The following PARD3 variants were observed in gnomAD, a reference collection of about 807,000 sequenced individuals.
PARD3 encodes par-3 family cell polarity regulator.
In PARD3, 75 loss-of-function variants were observed where a neutral mutation model predicts 155.4. That is an observed-to-expected ratio of 0.48 (90% CI 0.40 to 0.58). PARD3 has a LOEUF of 0.58. Among genes scored for constraint, PARD3 ranks in the 20% least tolerant of loss-of-function variants. PARD3 has a pLI of 0.00. For synonymous variants in PARD3, 576 were observed against 610.5 expected, an observed-to-expected ratio of 0.94 and a Z score of 0.83; for missense variants, 1,642 against 1,721.7, an observed-to-expected ratio of 0.95 and a Z score of 0.82.
chr10:34,246,911 A>C (rs1443921971), intron 22 of PARD3, among the ~76,000 whole-genome samples: 5 of 152,168 alleles, frequency 3.3e-5, no homozygotes, highest in Admixed American at 6.5e-5. Flanking sequence ...GCCTGCCAGG[A>C]AAGATCCAAC....
chr10:34,160,667 G>A (rs1949231299), intron 22 of PARD3, among the ~76,000 whole-genome samples: 2 of 152,124 alleles, frequency 1.3e-5, no homozygotes, highest in Non-Finnish European at 2.9e-5. Context: ...TGTTGGTGGT[G>A]CTCAAAGCAA....
Position 34,637,873 on chromosome 10 carries a change from G to A in PARD3, c.222+58445C>T, listed in dbSNP as rs140504619. 1.2e-4 allele frequency among the ~76,000 whole-genome samples: 19 copies of A among 152,230 alleles called. No individual in the cohort carries two copies. The East Asian group carries it at 1.5e-3, about 12-fold the overall frequency. ...ACATCAAATAATTAAGTTTGCAGGC[G>A]TGAAATATATTCAAAAGCCAGGTAT... On this transcript the variant is annotated intron_variant, in intron 2 of 24. Coordinates refer to ENST00000374788, the MANE Select transcript of PARD3 (RefSeq NM_001184785.2).
At chr10:34,431,830 A>G (rs2075928121) in intron 5 of PARD3, among the ~76,000 whole-genome samples, 1 of 148,616 alleles carries the variant, frequency 6.7e-6, no homozygotes, top group Non-Finnish European at 1.5e-5. Context: ...CGGGTGGATC[A>G]TTAGGTCAGA....
intron 2 of PARD3, among the ~76,000 whole-genome samples, chr10:34,692,295 A>G (rs1590674774): frequency 6.6e-6 from 1 of 152,294 alleles, no homozygotes; most frequent in East Asian, 1.9e-4. Context: ...CTAAAACTAT[A>G]AAAACCCTGG....
At chr10:34,654,557 C>T (rs1247437360) in intron 2 of PARD3, among the ~76,000 whole-genome samples, 2 of 152,200 alleles carry the variant, frequency 1.3e-5, no homozygotes, top group African/African-American at 2.4e-5. Context: ...AAATAGAGTT[C>T]CAGGTTCCAC....
chr10:34,353,132 GGGGCAGCCCCCGCCC>G (rs1838348653), intron 14 of PARD3, among the ~76,000 whole-genome samples: 1 of 152,118 alleles, frequency 6.6e-6, no homozygotes, highest in South Asian at 2.1e-4. Flanking sequence ...TGGGAAGTGG[GGGGCAGCCCCCGCCC>G]GGCCAGCCGC....
intron 22 of PARD3, among the ~76,000 whole-genome samples, chr10:34,165,551 T>C (rs139365181): frequency 0.011 from 1,612 of 152,338 alleles, 9 homozygotes; most frequent in Middle Eastern, 0.024. Flanking sequence ...ACAAGGCTAA[T>C]GCACAGAGCC....
chr10:34,159,337 A>G (rs569294078), intron 22 of PARD3, among the ~76,000 whole-genome samples: 11 of 152,166 alleles, frequency 7.2e-5, no homozygotes, highest in South Asian at 2.1e-4. Context: ...AAAGCACTCA[A>G]TGCTGTGGTT....
intron 1 of PARD3, among the ~76,000 whole-genome samples, chr10:34,713,890 A>G (rs572054763): frequency 1.8e-4 from 27 of 152,276 alleles, no homozygotes; most frequent in African/African-American, 5.8e-4. Context: ...CCTGGTAACT[A>G]TAATATTGGG....
intron 5 of PARD3, among the ~76,000 whole-genome samples, chr10:34,436,121 T>C (rs2076174717): frequency 6.6e-6 from 1 of 152,226 alleles, no homozygotes; most frequent in South Asian, 2.1e-4. Flanking sequence ...GTAAGAACTT[T>C]CAGAAAGTCT....
At chr10:34,501,696 A>G (rs1389391869) in intron 3 of PARD3, among the ~76,000 whole-genome samples, 2 of 152,146 alleles carry the variant, frequency 1.3e-5, no homozygotes, top group Admixed American at 1.3e-4. Flanking sequence ...TGCATGTAAA[A>G]TGTGGTAGGC....
At chr10:34,245,609 A>ACAAAACAAAACAAAG (rs1209815118) in intron 22 of PARD3, among the ~76,000 whole-genome samples, 1 of 149,652 alleles carries the variant, frequency 6.7e-6, no homozygotes, top group Admixed American at 6.6e-5. Context: ...ACAAAACAAA[A>ACAAAACAAAACAAAG]CAAAACAAGG....
intron 22 of PARD3, among the ~76,000 whole-genome samples, chr10:34,217,495 G>A (rs1206040440): frequency 1.3e-5 from 2 of 152,150 alleles, no homozygotes; most frequent in Admixed American, 6.5e-5. Context: ...CGTTACAGAG[G>A]TGTAACAGGT....
At chr10:34,465,141 G>A (rs558191542) in intron 4 of PARD3, among the ~76,000 whole-genome samples, 11 of 152,244 alleles carry the variant, frequency 7.2e-5, no homozygotes, top group East Asian at 3.9e-4. Flanking sequence ...AAGTTTCTAC[G>A]TGTTCAGTAC....
At chr10:34,754,598 C>G (rs978400326) in intron 1 of PARD3, among the ~76,000 whole-genome samples, 2 of 152,176 alleles carry the variant, frequency 1.3e-5, no homozygotes, top group Non-Finnish European at 2.9e-5. Flanking sequence ...ATCATAGATA[C>G]AATTGTTAAA....
At chr10:34,681,122 C>T (rs576641271) in intron 2 of PARD3, among the ~76,000 whole-genome samples, 5 of 151,946 alleles carry the variant, frequency 3.3e-5, no homozygotes, top group African/African-American at 9.7e-5. Flanking sequence ...AAGTGTGGTC[C>T]CAGTCTCCAT....
intron 2 of PARD3, among the ~76,000 whole-genome samples, chr10:34,651,652 G>A (rs1471473614): frequency 1.3e-5 from 2 of 152,190 alleles, no homozygotes; most frequent in African/African-American, 4.8e-5. Context: ...TGTAAGCGAC[G>A]TTAATACAGT....
intron 2 of PARD3, among the ~76,000 whole-genome samples, chr10:34,586,444 G>C (rs2088056813): frequency 2.0e-5 from 3 of 152,140 alleles, no homozygotes; most frequent in African/African-American, 7.2e-5. Context: ...CAGAGAAATG[G>C]AGATAGGTCT....
chr10:34,562,180 T>A (rs2085544491), intron 2 of PARD3, among the ~76,000 whole-genome samples: 1 of 124,638 alleles, frequency 8.0e-6, no homozygotes, highest in South Asian at 2.9e-4. Context: ...CTCATGCCTA[T>A]AATCCCGGCA....
Sources: allele counts gnomAD v4.1 joint callset (sites outside exome capture counted in the v4.1 genomes callset), GRCh38; gene constraint gnomAD v4.1.1; transcripts MANE v1.5; gene names NCBI Gene and HGNC (gene_info 2026-07-23, HGNC 2026-07-21).